Variants in ZBED5 observed in about 807,000 individuals in gnomAD.
ZBED5 encodes the protein zinc finger BED-type containing 5.
ZBED5 carries 29 observed loss-of-function variants against 49.2 expected under a neutral mutation model. That is an observed-to-expected ratio of 0.59 (90% CI 0.44 to 0.80). The LOEUF (loss-of-function observed/expected upper bound fraction) is 0.80. Ranked by LOEUF, ZBED5 falls within the 30% of genes least tolerant of loss-of-function variation. The pLI is 0.00. For missense variants in ZBED5, 775 were observed against 812.9 expected (o/e 0.95, Z 0.57); for synonymous variants, 281 against 292.5 (o/e 0.96, Z 0.40).
In ZBED5 at chr11:10,854,659, GA is replaced by G; in HGVS notation, c.286del (p.Ser96ProfsTer4). On this transcript the variant is annotated frameshift_variant, in exon 3 of 3. Coordinates refer to ENST00000413761, the MANE Select transcript of ZBED5 (RefSeq NM_001143667.2). LOFTEE classifies it high-confidence loss of function. The surrounding 1 kb of genome is among the most constrained non-coding windows in gnomAD (Gnocchi z 5.0). ...ELSRVKFISN[S>X]NKITFSKKPK... The stretch of plus-strand genomic sequence containing the variant: ...TTTTTTACTAAATGTTATTTTGTTG[GA>G]ATTGGATATAAATTTGACCCTGGAA... 1 of 1,551,222 alleles carries G rather than the reference GA, an allele frequency of 6.4e-7. No individual in the cohort carries two copies. The highest frequency in any genetic ancestry group is 8.7e-7 in the Non-Finnish European group (1 of 1,146,892).
Position 10,854,240 on chromosome 11 carries a change from T to C in ZBED5, c.706A>G (p.Lys236Glu). The change falls in exon 3 of 3, where the codon AAA becomes GAA. Residue 236 changes from lysine (K) to glutamate (E), a missense_variant. Lys to Glu is a moderately conservative substitution (Grantham distance 56). Coordinates refer to ENST00000413761, the MANE Select transcript of ZBED5 (RefSeq NM_001143667.2). This position sits in a 1 kb window ranked among gnomAD's most constrained non-coding sequence, Gnocchi z 5.0. ...GATAGCTGTACTGCATCTATTTTTTTACTATATTGTTCATCAAACATCCGC... is the reference window on the plus strand; with the variant it reads ...GATAGCTGTACTGCATCTATTTTTTCACTATATTGTTCATCAAACATCCGC... Reference protein sequence around the residue: ...VMRMFDEQYSKKIDAVQLSNS... With the variant: ...VMRMFDEQYSEKIDAVQLSNS... The C allele has an allele frequency of 3.2e-6, 5 of 1,551,058 alleles. No homozygotes were observed. The highest frequency in any genetic ancestry group is 4.4e-6 in the Non-Finnish European group (5 of 1,146,586).
rs1383858389 is a variant in ZBED5, at chr11:10,854,779, A to G, written c.167T>C (p.Ile56Thr). 6.4e-7 allele frequency: 1 copy of G among 1,552,030 alleles called. No homozygotes were observed. Among genetic ancestry groups the G allele is most frequent in the Non-Finnish European group, 8.7e-7 (1 of 1,147,006 alleles). Residue 56 changes from isoleucine (I) to threonine (T), a missense_variant, in exon 3 of 3, where the codon ATT (isoleucine) becomes ACT (threonine). Ile to Thr is a moderately conservative substitution (Grantham distance 89, BLOSUM62 -1). Transcript: ENST00000413761. The surrounding 1 kb of genome is among the most constrained non-coding windows in gnomAD (Gnocchi z 5.0). The stretch of plus-strand genomic sequence containing the variant: ...CTTCTGATCATTTGATTCAGACACA[A>G]TCTGATAACAGAAAGATTCCACTTC... ...KQEVESFCYQ[I>T]VSESNDQKVG...
chr11:10,854,385 A>G lies in ZBED5; in HGVS notation c.561T>C (p.Asn187=), dbSNP rs1564998431. 2.6e-6 allele frequency: 4 copies of G among 1,551,122 alleles called. No individual in the cohort carries two copies. The highest frequency in any genetic ancestry group is 1.7e-4 in the Middle Eastern group (1 of 5,990). Residue 187 remains asparagine, a synonymous_variant, in exon 3 of 3, where the codon AAT becomes AAC. Transcript: ENST00000413761. The surrounding 1 kb of genome is among the most constrained non-coding windows in gnomAD (Gnocchi z 5.0). The part of the protein sequence containing the change: ...NNKPPTPKIV[N]TDNESATEAS... ...CTTCTGTAGCACTTTCATTATCTGT[A>G]TTCACAATTTTAGGTGTTGGGGGTT...
At position 10,855,870 on chromosome 11, in the gene ZBED5, G is replaced by A. The variant is rs531226543; in HGVS notation, c.-142+274C>T. 4 of 150,164 alleles carry A rather than the reference G, an allele frequency of 2.7e-5. No individual in the cohort carries two copies. The highest frequency in any genetic ancestry group is 6.6e-5 in the Admixed American group (1 of 15,182). The allele number at this position is 150,164 out of a possible 1,614,324, so 9.3% of individuals were successfully genotyped here. ...GCATTCTATTTATACAACAGGTGAC[G>A]ACTTAACCAGGACCTAAAAAAAAAA... On this transcript the variant is annotated intron_variant, in intron 2 of 2. Coordinates refer to ENST00000413761, the MANE Select transcript of ZBED5 (RefSeq NM_001143667.2). This position sits in a 1 kb window ranked among gnomAD's most constrained non-coding sequence, Gnocchi z 4.1.
Position 10,852,917 on chromosome 11 carries a change from G to A in ZBED5, c.2029C>T (p.Pro677Ser). The stretch of plus-strand genomic sequence containing the variant: ...TTATCACATATCCGCTTAATATTAG[G>A]TGTAATATTGCTAAGTCGGATTCGC... ...HMRIRLSNIT[P>S]NIKRICDKKT... The change falls in exon 3 of 3, where the codon CCT (proline) becomes TCT (serine). Residue 677 changes from proline to serine, a missense_variant. By Grantham distance (74) the Pro-to-Ser change is moderately conservative. Transcript: ENST00000413761. 6.4e-7 allele frequency: 1 copy of A among 1,550,982 alleles called. No individual in the cohort carries two copies. Among genetic ancestry groups the A allele is most frequent in the Non-Finnish European group, 8.7e-7 (1 of 1,146,458 alleles).
In ZBED5 at chr11:10,853,431, C is replaced by T. The variant is rs750175233; in HGVS notation, c.1515G>A (p.Met505Ile). ...ATTCCAATTTTCTTAACAATGACGA[C>T]ATTTTATCAAATACTGTAAAAACGG... Reference protein sequence around the residue: ...NVTVFTVFDKMSSLLRKLEFW... With the variant: ...NVTVFTVFDKISSLLRKLEFW... The change falls in exon 3 of 3, where the codon ATG becomes ATA. Residue 505 changes from methionine (M) to isoleucine (I), a missense_variant. By Grantham distance (10) the Met-to-Ile change is conservative (BLOSUM62 1). Coordinates refer to ENST00000413761, the MANE Select transcript of ZBED5 (RefSeq NM_001143667.2). The surrounding 1 kb of genome is among the most constrained non-coding windows in gnomAD (Gnocchi z 5.4). The T allele has an allele frequency of 1.5e-5, 24 of 1,549,796 alleles. No homozygotes were observed. In the African/African-American group the frequency reaches 2.1e-4, roughly 13 times the overall value.
In ZBED5 at chr11:10,853,850, C is replaced by T. The variant is rs535067630; in HGVS notation, c.1096G>A (p.Glu366Lys). The T allele has an allele frequency of 1.4e-4, 212 of 1,551,594 alleles. 2 individuals carry two copies. In the South Asian group the frequency reaches 1.7e-3, roughly 13 times the overall value. Residue 366 changes from glutamate (E) to lysine (K), a missense_variant, in exon 3 of 3, where the codon GAA becomes AAA. By Grantham distance (56) the Glu-to-Lys change is moderately conservative. Coordinates refer to ENST00000413761, the MANE Select transcript of ZBED5 (RefSeq NM_001143667.2). This position sits in a 1 kb window ranked among gnomAD's most constrained non-coding sequence, Gnocchi z 5.4. Reference protein sequence around the residue: ...AVTLIKYVAPESTSSHCLLYR... With the variant: ...AVTLIKYVAPKSTSSHCLLYR... ...AATAGGCAGTGACTACTGGTGCTTT[C>T]GGGAGCCACATATTTTATTAAGGTG... is the stretch of plus-strand genomic sequence containing the variant.
chr11:10,852,983 T>C lies in ZBED5; in HGVS notation c.1963A>G (p.Lys655Glu). The C allele has an allele frequency of 6.4e-7, 1 of 1,551,672 alleles. No homozygotes were observed. Among genetic ancestry groups the C allele is most frequent in the Non-Finnish European group, 8.7e-7 (1 of 1,146,958 alleles). The change falls in exon 3 of 3, where the codon AAA becomes GAA. Residue 655 changes from lysine (K) to glutamate (E), a missense_variant. Transcript: ENST00000413761. The part of the protein sequence containing the change: ...ETGFSYYAAT[K>E]TKYRKRLDAA... ...TCAAGTCTTTTCCTATATTTTGTTT[T>C]TGTTGCAGCGTAATATGAAAACCCC...
Position 10,857,996 on chromosome 11 carries a change from A to T in ZBED5, c.-390T>A. 1 of 257,406 alleles carries T rather than the reference A, an allele frequency of 3.9e-6. No homozygotes were observed. Among genetic ancestry groups the T allele is most frequent in the Non-Finnish European group, 7.3e-6 (1 of 136,550 alleles). The allele number at this position is 257,406 out of a possible 1,614,324, so 15.9% of individuals were successfully genotyped here. A position where few individuals can be genotyped will look rare whatever the true frequency, so the allele number is the denominator to read the frequency against. On this transcript the variant is annotated 5_prime_UTR_variant, in exon 1 of 3. Coordinates refer to ENST00000413761, the MANE Select transcript of ZBED5 (RefSeq NM_001143667.2). The surrounding 1 kb of genome is among the most constrained non-coding windows in gnomAD (Gnocchi z 6.3). The stretch of plus-strand genomic sequence containing the variant: ...ACAGGGTGATGCTCTCAGCTCAGGG[A>T]TATCGCCTAGGCCATCTCCATAGAG...
rs1848166447 is a variant in ZBED5, at chr11:10,855,346, A to T, written c.-141-260T>A. ...GACCCTGAAGAATATGTCCCATGGCAGGGGTTGGCAGGCTTTTTTTGGTCA... is the reference window on the plus strand; with the variant it reads ...GACCCTGAAGAATATGTCCCATGGCTGGGGTTGGCAGGCTTTTTTTGGTCA... On this transcript the variant is annotated intron_variant, in intron 2 of 2. Coordinates refer to ENST00000413761, the MANE Select transcript of ZBED5 (RefSeq NM_001143667.2). The surrounding 1 kb of genome is among the most constrained non-coding windows in gnomAD (Gnocchi z 4.1). Among the ~76,000 whole-genome samples the T allele has an allele frequency of 6.6e-6, 1 of 152,186 alleles. No homozygotes were observed. Among genetic ancestry groups the T allele is most frequent in the Non-Finnish European group, 1.5e-5 (1 of 68,030 alleles).
rs1304666280 is a variant in ZBED5, at chr11:10,857,125, G to C, written c.-256+737C>G. On this transcript the variant is annotated intron_variant, in intron 1 of 2. Coordinates refer to ENST00000413761, the MANE Select transcript of ZBED5 (RefSeq NM_001143667.2). The surrounding 1 kb of genome is among the most constrained non-coding windows in gnomAD (Gnocchi z 6.3). ...ATTTTGCAACGGAGAACTCTGTGGA[G>C]CTGCTGGTTCACGTAAAAGATCAGG... 2 of 152,240 alleles carry C rather than the reference G, an allele frequency of 1.3e-5. No homozygotes were observed. Among genetic ancestry groups the C allele is most frequent in the Non-Finnish European group, 2.9e-5 (2 of 68,062 alleles). The allele number at this position is 152,240 out of a possible 1,614,324, so 9.4% of individuals were successfully genotyped here.
At position 10,853,205 on chromosome 11, in the gene ZBED5, T is replaced by C. The variant is rs1289251530; in HGVS notation, c.1741A>G (p.Thr581Ala). ...NAWVRNPFTVTVKPASLVARD... is the reference protein window; with the variant it reads ...NAWVRNPFTVAVKPASLVARD... ...GCTACTAATGAAGCTGGTTTAACAG[T>C]AACTGTAAATGGATTTCTAACCCAA... is the stretch of plus-strand genomic sequence containing the variant. The change falls in exon 3 of 3, where the codon ACT becomes GCT. Residue 581 changes from threonine to alanine, a missense_variant. Transcript: ENST00000413761. This position sits in a 1 kb window ranked among gnomAD's most constrained non-coding sequence, Gnocchi z 5.4. The C allele has an allele frequency of 1.4e-5, 21 of 1,551,496 alleles. No individual in the cohort carries two copies. The highest frequency in any genetic ancestry group is 2.0e-5 in the Admixed American group (1 of 50,974).
chr11:10,853,793 G>A lies in ZBED5; in HGVS notation c.1153C>T (p.Pro385Ser), dbSNP rs1179203761. The A allele has an allele frequency of 1.3e-6, 2 of 1,551,462 alleles. No homozygotes were observed. Among genetic ancestry groups the A allele is most frequent in the Admixed American group, 2.0e-5 (1 of 50,972 alleles). Residue 385 changes from proline to serine, a missense_variant, in exon 3 of 3, where the codon CCT (proline) becomes TCT (serine). By Grantham distance (74) the Pro-to-Ser change is moderately conservative. Coordinates refer to ENST00000413761, the MANE Select transcript of ZBED5 (RefSeq NM_001143667.2). The surrounding 1 kb of genome is among the most constrained non-coding windows in gnomAD (Gnocchi z 5.4). ...YRHALAVKIM[P>S]TSLKNVLDQA... is the part of the protein sequence containing the mutation. ...TCTAGCACATTTTTTAGAGATGTAG[G>A]CATTATTTTAACTGCCAGTGCATGT...
rs1848192846 is a variant in ZBED5, at chr11:10,857,131, G to A, written c.-256+731C>T. On this transcript the variant is annotated intron_variant, in intron 1 of 2. Coordinates refer to ENST00000413761, the MANE Select transcript of ZBED5 (RefSeq NM_001143667.2). This position sits in a 1 kb window ranked among gnomAD's most constrained non-coding sequence, Gnocchi z 6.3. ...CAACGGAGAACTCTGTGGAGCTGCT[G>A]GTTCACGTAAAAGATCAGGATCCCT... 1 of 152,178 alleles carries A rather than the reference G, an allele frequency of 6.6e-6. No homozygotes were observed. Among genetic ancestry groups the A allele is most frequent in the African/African-American group, 2.4e-5 (1 of 41,448 alleles). 9.4% of individuals were successfully genotyped at this position (152,178 alleles called of 1,614,324 possible).
At position 10,857,186 on chromosome 11, in the gene ZBED5, A is replaced by G. The variant is rs115215780; in HGVS notation, c.-256+676T>C. ...TTGCCAGAGGACACAGAAGAGTAGG[A>G]AGCTTTTGTTTTCAGAAAGAAGGTC... On this transcript the variant is annotated intron_variant, in intron 1 of 2. Coordinates refer to ENST00000413761, the MANE Select transcript of ZBED5 (RefSeq NM_001143667.2). This position sits in a 1 kb window ranked among gnomAD's most constrained non-coding sequence, Gnocchi z 6.3. The G allele has an allele frequency of 1.7e-4, 26 of 152,280 alleles. No homozygotes were observed. Among genetic ancestry groups the G allele is most frequent in the African/African-American group, 6.0e-4 (25 of 41,564 alleles). The allele number at this position is 152,280 out of a possible 1,614,324, so 9.4% of individuals were successfully genotyped here.
rs1212673745 is a variant in ZBED5 at position 10,853,479 on chromosome 11, C to T, written c.1467G>A (p.Leu489=). The change falls in exon 3 of 3, where the codon TTG becomes TTA. Residue 489 remains leucine (L), a synonymous_variant. Coordinates refer to ENST00000413761, the MANE Select transcript of ZBED5 (RefSeq NM_001143667.2). This position sits in a 1 kb window ranked among gnomAD's most constrained non-coding sequence, Gnocchi z 5.4. ...CGGTCACATTTTTTCCTTGCATTGACAAATTAACTTCATTTAATTTAGTAA... is the reference window on the plus strand; with the variant it reads ...CGGTCACATTTTTTCCTTGCATTGATAAATTAACTTCATTTAATTTAGTAA... ...DIFTKLNEVN[L]SMQGKNVTVF... is the part of the protein sequence containing the mutation. 5 of 1,550,700 alleles carry T rather than the reference C, an allele frequency of 3.2e-6. No individual in the cohort carries two copies. The highest frequency in any genetic ancestry group is 1.4e-5 in the African/African-American group (1 of 73,002).
intron 1 of ZBED5, among the ~76,000 whole-genome samples, chr11:10,856,505 C>T (rs1277920518): frequency 6.6e-6 from 1 of 152,156 alleles, no homozygotes; most frequent in East Asian, 1.9e-4. Flanking sequence ...CATGTTAAAA[C>T]AACACCACCA....
At position 10,854,246 on chromosome 11, in the gene ZBED5, A is replaced by T. The variant is rs773179960; in HGVS notation, c.700T>A (p.Tyr234Asn). Residue 234 changes from tyrosine (Y) to asparagine (N), a missense_variant, in exon 3 of 3, where the codon TAT becomes AAT. Tyr to Asn is a moderately radical substitution (Grantham distance 143). Coordinates refer to ENST00000413761, the MANE Select transcript of ZBED5 (RefSeq NM_001143667.2). This position sits in a 1 kb window ranked among gnomAD's most constrained non-coding sequence, Gnocchi z 5.0. ...TGTACTGCATCTATTTTTTTACTAT[A>T]TTGTTCATCAAACATCCGCATCACT... ...DVVMRMFDEQ[Y>N]SKKIDAVQLS... The T allele has an allele frequency of 1.9e-6, 3 of 1,551,126 alleles. No individual in the cohort carries two copies. The South Asian group carries it at 3.6e-5, about 18-fold the overall frequency.
rs1848208837 is a variant in ZBED5 at position 10,857,986 on chromosome 11, C to G, written c.-380G>C. The G allele has an allele frequency of 4.1e-6, 1 of 241,084 alleles. No individual in the cohort carries two copies. The highest frequency in any genetic ancestry group is 1.8e-4 in the South Asian group (1 of 5,618). The allele number at this position is 241,084 out of a possible 1,614,324, so 14.9% of individuals were successfully genotyped here. On this transcript the variant is annotated 5_prime_UTR_variant, in exon 1 of 3. Transcript: ENST00000413761. The surrounding 1 kb of genome is among the most constrained non-coding windows in gnomAD (Gnocchi z 6.3). ...GGATTCGGGGACAGGGTGATGCTCT[C>G]AGCTCAGGGATATCGCCTAGGCCAT... is the stretch of plus-strand genomic sequence containing the variant.
Sources: allele counts gnomAD v4.1 joint callset (sites outside exome capture counted in the v4.1 genomes callset), GRCh38; gene constraint gnomAD v4.1.1; non-coding constraint Gnocchi (gnomAD v3.1); transcripts MANE v1.5; gene names NCBI Gene and HGNC (gene_info 2026-07-23, HGNC 2026-07-21).